ARHGAP15: variants seen among roughly 807,000 people sequenced by gnomAD.
The protein encoded by ARHGAP15 is Rho GTPase activating protein 15.
In ARHGAP15, 51 loss-of-function variants were observed where a neutral mutation model predicts 63.7. The observed-to-expected ratio is 0.80, with a 90% CI of 0.64 to 1.01. The LOEUF (loss-of-function observed/expected upper bound fraction) is 1.01. Ranked by LOEUF, ARHGAP15 falls within the 50% of genes least tolerant of loss-of-function variation. The probability of loss-of-function intolerance (pLI) is 0.00; values close to 1 mark genes in which losing one functional copy is unlikely to be tolerated. For missense variants in ARHGAP15, 560 were observed against 564.6 expected (o/e 0.99, Z 0.08); for synonymous variants, 191 against 193.8 (o/e 0.99, Z 0.12).
At chr2:143,153,973 G>C (rs949852326) in intron 1 of ARHGAP15, among the ~76,000 whole-genome samples, 1 of 146,686 alleles carries the variant, frequency 6.8e-6, no homozygotes, top group African/African-American at 2.5e-5. Flanking sequence ...GTGGTTTTAT[G>C]CATCAATAGT....
chr2:143,130,188 A>G (rs115873544), intron 1 of ARHGAP15, among the ~76,000 whole-genome samples: 1,992 of 152,250 alleles, frequency 0.013, 46 homozygotes, highest in African/African-American at 0.045. Flanking sequence ...ATGTAATTAT[A>G]TAATTTTCCT....
intron 11 of ARHGAP15, among the ~76,000 whole-genome samples, chr2:143,623,608 C>T (rs1269530731): frequency 6.6e-6 from 1 of 152,178 alleles, no homozygotes; most frequent in East Asian, 1.9e-4. Context: ...TCCTTGCTGA[C>T]TTTATATTCA....
At chr2:143,218,547 T>A (rs1692862517) in intron 4 of ARHGAP15, among the ~76,000 whole-genome samples, 1 of 152,196 alleles carries the variant, frequency 6.6e-6, no homozygotes, top group South Asian at 2.1e-4. Flanking sequence ...GAATGTATAG[T>A]TGTGTATGTG....
chr2:143,349,266 T>C (rs902347830), intron 6 of ARHGAP15, among the ~76,000 whole-genome samples: 1 of 152,204 alleles, frequency 6.6e-6, no homozygotes, highest in Non-Finnish European at 1.5e-5. Flanking sequence ...AAGGGACTGC[T>C]GAAAACATCA....
intron 5 of ARHGAP15, 122 bp from the exon 6 acceptor site, chr2:143,250,385 TGGGG>T (rs755109181): frequency 1.3e-4 from 76 of 606,002 alleles, no homozygotes; most frequent in Non-Finnish European, 1.8e-4. Context: ...AGGTTTCCCC[TGGGG>T]AAAACAAAAA....
chr2:143,423,771 G>A (rs1413113274), intron 6 of ARHGAP15, among the ~76,000 whole-genome samples: 1 of 152,112 alleles, frequency 6.6e-6, no homozygotes, highest in Non-Finnish European at 1.5e-5. Context: ...CAGGTATTAT[G>A]TTAAGTTCTT....
chr2:143,212,006 G>A lies in ARHGAP15; in HGVS notation c.235-4378G>A, dbSNP rs370995655. On this transcript the variant is annotated intron_variant, in intron 3 of 13. Coordinates refer to ENST00000295095, the MANE Select transcript of ARHGAP15 (RefSeq NM_018460.4). ...GCCAAACCCTTCTCATCAAAATCTG[G>A]TAAAAGTTGCAGATTAAGTTTATTT... Among the ~76,000 whole-genome samples, 32 of 152,272 alleles carry A rather than the reference G, an allele frequency of 2.1e-4. 1 individual carries two copies. The South Asian group carries it at 2.5e-3, about 12-fold the overall frequency.
At chr2:143,566,395 C>T (rs1200891128) in intron 11 of ARHGAP15, among the ~76,000 whole-genome samples, 1 of 152,102 alleles carries the variant, frequency 6.6e-6, no homozygotes, top group Admixed American at 6.5e-5. Context: ...CACTAGATGC[C>T]AGGCAGTATG....
chr2:143,590,333 A>G (rs1408121836), intron 11 of ARHGAP15, among the ~76,000 whole-genome samples: 1 of 152,218 alleles, frequency 6.6e-6, no homozygotes, highest in Non-Finnish European at 1.5e-5. Flanking sequence ...GTATTACAGC[A>G]CAAAGCTACC....
intron 6 of ARHGAP15, among the ~76,000 whole-genome samples, chr2:143,424,157 C>T (rs1398757158): frequency 1.3e-5 from 2 of 152,008 alleles, no homozygotes; most frequent in African/African-American, 4.8e-5. Flanking sequence ...GCCCTATCTC[C>T]AGGGTCTGAT....
intron 6 of ARHGAP15, among the ~76,000 whole-genome samples, chr2:143,409,975 T>A (rs143174022): frequency 7.9e-5 from 12 of 152,040 alleles, no homozygotes; most frequent in African/African-American, 2.7e-4. Context: ...CTTCCCCTAT[T>A]CTAAAATAAA....
At chr2:143,725,922 T>C (rs1685252531) in intron 13 of ARHGAP15, among the ~76,000 whole-genome samples, 2 of 152,238 alleles carry the variant, frequency 1.3e-5, no homozygotes, top group African/African-American at 4.8e-5. Context: ...CCTGAATATC[T>C]ATACAAACAG....
At chr2:143,305,812 T>C (rs1044094087) in intron 6 of ARHGAP15, among the ~76,000 whole-genome samples, 1 of 152,074 alleles carries the variant, frequency 6.6e-6, no homozygotes, top group Non-Finnish European at 1.5e-5. Context: ...AACTGGTTCT[T>C]CTATACAAAT....
chr2:143,718,090 C>T (rs376587792), intron 13 of ARHGAP15, among the ~76,000 whole-genome samples: 2 of 151,772 alleles, frequency 1.3e-5, no homozygotes, highest in Admixed American at 1.3e-4. Context: ...ATTTTCATGT[C>T]GTTGGGGTTT....
chr2:143,624,762 A>C (rs1698773240), intron 12 of ARHGAP15, among the ~76,000 whole-genome samples: 1 of 152,226 alleles, frequency 6.6e-6, no homozygotes, highest in South Asian at 2.1e-4. Context: ...ACAGTCAGCC[A>C]TAATTTGCTT....
chr2:143,356,072 G>A (rs1372572196), intron 6 of ARHGAP15, among the ~76,000 whole-genome samples: 2 of 151,378 alleles, frequency 1.3e-5, no homozygotes, highest in South Asian at 2.1e-4. Flanking sequence ...GAGAGAGAGA[G>A]AGAAAGAAAG....
chr2:143,340,397 C>A (rs1434886817), intron 6 of ARHGAP15, among the ~76,000 whole-genome samples: 6 of 151,988 alleles, frequency 3.9e-5, no homozygotes, highest in African/African-American at 1.4e-4. Flanking sequence ...AACATGTGCT[C>A]CACTGTGTAA....
At chr2:143,472,388 C>A (rs796334970) in intron 8 of ARHGAP15, among the ~76,000 whole-genome samples, 7 of 152,198 alleles carry the variant, frequency 4.6e-5, no homozygotes, top group African/African-American at 1.7e-4. Context: ...AATTAACAAA[C>A]ATTCATGCAG....
chr2:143,564,586 G>A (rs1696148252), intron 11 of ARHGAP15, among the ~76,000 whole-genome samples: 1 of 152,078 alleles, frequency 6.6e-6, no homozygotes, highest in African/African-American at 2.4e-5. Flanking sequence ...GCTCTCTGGT[G>A]GAGACATGAC....
Sources: allele counts gnomAD v4.1 joint callset (sites outside exome capture counted in the v4.1 genomes callset), GRCh38; gene constraint gnomAD v4.1.1; transcripts MANE v1.5; gene names NCBI Gene and HGNC (gene_info 2026-07-23, HGNC 2026-07-21).